PPP1R1C: variants seen among roughly 807,000 people sequenced by gnomAD.
The protein encoded by PPP1R1C is protein phosphatase 1 regulatory inhibitor subunit 1C, also known as protein phosphatase 1 regulatory subunit 1C.
Under a neutral mutation model 17.4 loss-of-function variants are expected in PPP1R1C, and 15 were observed. That is an observed-to-expected ratio of 0.86 (90% confidence interval 0.58 to 1.33). The LOEUF (loss-of-function observed/expected upper bound fraction) is 1.33. Among genes scored for constraint, PPP1R1C ranks in the 40% most tolerant of loss-of-function variants. The pLI is 0.00. For synonymous variants in PPP1R1C, 35 were observed against 43.1 expected (o/e 0.81, Z 0.73); for missense variants, 143 against 130.0 (o/e 1.10, Z -0.48).
chr2:182,124,655 A>G (rs1307460408), intron 5 of PPP1R1C, among the ~76,000 whole-genome samples: 1 of 152,052 alleles, frequency 6.6e-6, no homozygotes, highest in East Asian at 1.9e-4. Flanking sequence ...CTATCTTTGT[A>G]GCAATTGTGA....
At chr2:182,048,501 A>G (rs1687411307) in intron 2 of PPP1R1C, among the ~76,000 whole-genome samples, 1 of 152,268 alleles carries the variant, frequency 6.6e-6, no homozygotes, top group African/African-American at 2.4e-5. Context: ...CGTAAGAAAT[A>G]CATGATAGAT....
At chr2:182,105,922 C>T (rs1008204377) in intron 4 of PPP1R1C, among the ~76,000 whole-genome samples, 2 of 152,158 alleles carry the variant, frequency 1.3e-5, no homozygotes, top group Admixed American at 1.3e-4. Context: ...TGTATTGTCT[C>T]ACAGTTTTGG....
rs965300809 is a variant in PPP1R1C at position 182,117,379 on chromosome 2, C to A, written c.*84C>A. The A allele has an allele frequency of 3.1e-6, 3 of 955,994 alleles. No homozygotes were observed. Among genetic ancestry groups the A allele is most frequent in the Non-Finnish European group, 4.8e-6 (3 of 625,992 alleles). 59.2% of individuals were successfully genotyped at this position (955,994 alleles called of 1,614,324 possible). ...TATACCATGGAATTCCACTGCTTGA[C>A]TTCCAGAAGCATCCTCCATCTCTGC... is the stretch of plus-strand genomic sequence containing the variant. On this transcript the variant is annotated 3_prime_UTR_variant, in exon 5 of 5. Transcript: ENST00000682840.
intron 4 of PPP1R1C, among the ~76,000 whole-genome samples, chr2:182,069,201 A>G (rs1443039617): frequency 6.6e-6 from 1 of 151,152 alleles, no homozygotes; most frequent in East Asian, 1.9e-4. Flanking sequence ...GGGCATATTT[A>G]TGCAGCTCAA....
downstream of PPP1R1C, chr2:182,130,323 A>G (rs1393588969): frequency 2.6e-5 from 4 of 152,138 alleles, no homozygotes; most frequent in African/African-American, 9.7e-5. Context: ...ACCCAGACCT[A>G]CCTGCGGAAT....
rs550329717 is a variant in PPP1R1C at position 182,111,066 on chromosome 2, G to A, written c.242-6141G>A. 9.2e-5 allele frequency among the ~76,000 whole-genome samples: 14 copies of A among 152,076 alleles called. No individual in the cohort carries two copies. The East Asian group carries it at 1.7e-3, about 19-fold the overall frequency. On this transcript the variant is annotated intron_variant, in intron 4 of 4. Transcript: ENST00000682840. Reference sequence around the variant, plus strand: ...GATGATAAAGATGTGGGCTCTTTACGTTTTGATAAATGATACCATATTACT... The same window carrying A: ...GATGATAAAGATGTGGGCTCTTTACATTTTGATAAATGATACCATATTACT...
At chr2:182,110,810 G>A (rs909714365) in intron 4 of PPP1R1C, among the ~76,000 whole-genome samples, 2 of 152,058 alleles carry the variant, frequency 1.3e-5, no homozygotes, top group African/African-American at 4.8e-5. Flanking sequence ...GAGCCATTCT[G>A]TCTCTTTCTA....
intron 2 of PPP1R1C, among the ~76,000 whole-genome samples, chr2:182,024,379 G>C (rs1427169023): frequency 6.6e-6 from 1 of 152,004 alleles, no homozygotes; most frequent in East Asian, 1.9e-4. Flanking sequence ...ACAAATTAAA[G>C]TACTAATTTT....
chr2:182,064,043 C>T (rs1687918403), intron 4 of PPP1R1C: 2 of 433,042 alleles, frequency 4.6e-6, no homozygotes, highest in East Asian at 7.0e-5. Flanking sequence ...AAAATAATGA[C>T]AAAGATTTTT....
At chr2:182,072,363 TAAATC>T (rs1253764434) in intron 4 of PPP1R1C, among the ~76,000 whole-genome samples, 4 of 152,270 alleles carry the variant, frequency 2.6e-5, no homozygotes, top group African/African-American at 9.6e-5. Flanking sequence ...TTGCTTTACT[TAAATC>T]AAAGATTTTA....
At chr2:182,127,527 C>A (rs1241211690) in intron 5 of PPP1R1C, among the ~76,000 whole-genome samples, 3 of 152,078 alleles carry the variant, frequency 2.0e-5, no homozygotes, top group Non-Finnish European at 4.4e-5. Context: ...TCAACATTCT[C>A]AGAGTTGTAA....
At chr2:182,049,820 A>G (rs1344154366) in intron 2 of PPP1R1C, among the ~76,000 whole-genome samples, 1 of 152,048 alleles carries the variant, frequency 6.6e-6, no homozygotes, top group Admixed American at 6.6e-5. Context: ...TTTTCAAGAG[A>G]TTTCCATATT....
At chr2:182,114,844 T>A (rs1689537057) in intron 4 of PPP1R1C, among the ~76,000 whole-genome samples, 1 of 152,160 alleles carries the variant, frequency 6.6e-6, no homozygotes, top group Non-Finnish European at 1.5e-5. Context: ...TATAACTTTG[T>A]GACTATTATT....
At chr2:182,074,551 G>A (rs1688237954) in intron 4 of PPP1R1C, among the ~76,000 whole-genome samples, 1 of 152,118 alleles carries the variant, frequency 6.6e-6, no homozygotes, top group South Asian at 2.1e-4. Context: ...TGTAAAATGT[G>A]TTAAAATATA....
At chr2:182,023,799 T>C (rs1242087596) in intron 2 of PPP1R1C, 1 of 152,044 alleles carries the variant, frequency 6.6e-6, no homozygotes, top group Non-Finnish European at 1.5e-5. Context: ...TTTTAATTTA[T>C]TGTTTTTAAT....
chr2:182,052,987 T>C (rs1687570760), intron 2 of PPP1R1C, among the ~76,000 whole-genome samples: 1 of 152,238 alleles, frequency 6.6e-6, no homozygotes, highest in African/African-American at 2.4e-5. Flanking sequence ...TGTTTCTTGG[T>C]ACTCACCAAA....
intron 1 of PPP1R1C, among the ~76,000 whole-genome samples, chr2:181,965,083 A>G (rs553087257): frequency 2.6e-5 from 4 of 151,538 alleles, no homozygotes; most frequent in African/African-American, 7.3e-5. Context: ...CCTGTTTGCC[A>G]TTTATATATC....
At chr2:182,046,519 A>G (rs2125184124) in intron 2 of PPP1R1C, among the ~76,000 whole-genome samples, 1 of 151,808 alleles carries the variant, frequency 6.6e-6, no homozygotes, top group African/African-American at 2.4e-5. Context: ...CAAGGTCAAG[A>G]GATCGAGACC....
intron 2 of PPP1R1C, among the ~76,000 whole-genome samples, chr2:182,051,741 T>G (rs1687524359): frequency 6.6e-6 from 1 of 152,204 alleles, no homozygotes; most frequent in South Asian, 2.1e-4. Context: ...CTATGTTTAT[T>G]CCCACTGTTT....
Sources: gnomAD v4.1 joint callset for allele counts (sites outside exome capture counted in the v4.1 genomes callset) on GRCh38, gnomAD v4.1.1 for gene constraint, MANE v1.5 for transcripts, NCBI Gene and HGNC (gene_info 2026-07-23, HGNC 2026-07-21) for gene names.